The following ARHGAP44 variants were observed in gnomAD, a reference collection of about 807,000 sequenced individuals.
ARHGAP44 encodes the protein Rho GTPase activating protein 44.
Under a neutral mutation model 106.8 loss-of-function variants are expected in ARHGAP44, and 43 were observed. The observed-to-expected ratio is 0.40, with a 90% CI of 0.32 to 0.52. The LOEUF is 0.52. ARHGAP44 is among the 20% of genes least tolerant of loss of function. ARHGAP44 has a pLI of 0.48. For missense variants in ARHGAP44, 866 were observed against 1,050.5 expected (o/e 0.82, Z 2.43); for synonymous variants, 439 against 410.3 (o/e 1.07, Z -0.85).
chr17:12,981,450 T>A (rs1020378109), intron 19 of ARHGAP44, among the ~76,000 whole-genome samples: 1 of 151,052 alleles, frequency 6.6e-6, no homozygotes, highest in Admixed American at 6.6e-5. Flanking sequence ...CAGGCTGGAG[T>A]GCAATGGCAC....
intron 1 of ARHGAP44, among the ~76,000 whole-genome samples, chr17:12,829,569 G>C (rs2035027281): frequency 6.6e-6 from 1 of 152,032 alleles, no homozygotes; most frequent in African/African-American, 2.4e-5. Flanking sequence ...AGCCTCTCTT[G>C]GAAGTTCTAT....
At chr17:12,830,309 C>G (rs2035046857) in intron 1 of ARHGAP44, among the ~76,000 whole-genome samples, 1 of 152,008 alleles carries the variant, frequency 6.6e-6, no homozygotes, top group Non-Finnish European at 1.5e-5. Context: ...GATAATTGCT[C>G]TTTGGGGCTA....
intron 1 of ARHGAP44, among the ~76,000 whole-genome samples, chr17:12,798,971 A>G (rs1360411571): frequency 6.6e-6 from 1 of 152,224 alleles, no homozygotes; most frequent in East Asian, 1.9e-4. Context: ...TGATTTTAAA[A>G]TTTAATAGAA....
In ARHGAP44 at chr17:12,880,772, A is replaced by C. The variant is rs185768206; in HGVS notation, c.54-14168A>C. 1.9e-3 allele frequency among the ~76,000 whole-genome samples: 293 copies of C among 152,216 alleles called. 1 individual carries two copies. The highest frequency in any genetic ancestry group is 6.7e-3 in the African/African-American group (278 of 41,550). On this transcript the variant is annotated intron_variant, in intron 1 of 20. Transcript: ENST00000379672. Reference sequence around the variant, plus strand: ...TGTAGAGGGAATATTGTTCTGTTAAAAGGTGTTTCATGTGGGTACTTAGTT... The same window carrying C: ...TGTAGAGGGAATATTGTTCTGTTAACAGGTGTTTCATGTGGGTACTTAGTT...
Position 12,860,851 on chromosome 17 carries a change from CTATTCTTT to C in ARHGAP44, c.54-34087_54-34080del, listed in dbSNP as rs1335454816. Among the ~76,000 whole-genome samples, 253 of 103,736 alleles carry C rather than the reference CTATTCTTT, an allele frequency of 2.4e-3. 2 individuals are homozygous for C. The highest frequency in any genetic ancestry group is 8.8e-3 in the African/African-American group (236 of 26,680). The allele number at this position is 103,736 out of a possible 152,430, so 68.1% of individuals were successfully genotyped here. A position where few individuals can be genotyped will look rare whatever the true frequency, so the allele number is the denominator to read the frequency against. ...GGACCAATCGGTATATGGTTTTTTT[CTATTCTTT>C]TTTTTTTTTTTTTTTTTTTTGAGAC... is the stretch of plus-strand genomic sequence containing the variant. On this transcript the variant is annotated intron_variant, in intron 1 of 20. Transcript: ENST00000379672.
chr17:12,871,446 G>T (rs932516151), intron 1 of ARHGAP44, among the ~76,000 whole-genome samples: 8 of 152,148 alleles, frequency 5.3e-5, no homozygotes, highest in Non-Finnish European at 1.5e-5. Flanking sequence ...AAGTGTGGCT[G>T]GGAAGGCCTC....
At chr17:12,849,568 CTTTTTTTTTTTTTTT>C (rs776346185) in intron 1 of ARHGAP44, among the ~76,000 whole-genome samples, 7 of 69,958 alleles carry the variant, frequency 1.0e-4, no homozygotes, top group South Asian at 9.2e-4. Context: ...TACTTTTGTC[CTTTTTTTTTTTTTTT>C]TTTTTTTTTT....
At chr17:12,873,906 A>AAAT (rs2036473593) in intron 1 of ARHGAP44, among the ~76,000 whole-genome samples, 3 of 52,126 alleles carry the variant, frequency 5.8e-5, no homozygotes, top group African/African-American at 1.4e-4. Context: ...TCAGTCTCAA[A>AAAT]AAATAAATAA....
At chr17:12,874,646 C>T (rs149019407) in intron 1 of ARHGAP44, among the ~76,000 whole-genome samples, 431 of 151,766 alleles carry the variant, frequency 2.8e-3, no homozygotes, top group African/African-American at 9.6e-3. Flanking sequence ...ACAGGAGAAT[C>T]GCTTGAACCC....
intron 7 of ARHGAP44, among the ~76,000 whole-genome samples, chr17:12,938,656 G>T (rs2038622047): frequency 6.6e-6 from 1 of 150,770 alleles, no homozygotes; most frequent in South Asian, 2.1e-4. Context: ...ATTTTTCTGA[G>T]TGTGGATTAG....
intron 19 of ARHGAP44, among the ~76,000 whole-genome samples, chr17:12,980,441 G>A (rs1017315461): frequency 6.6e-6 from 1 of 152,134 alleles, no homozygotes; most frequent in Admixed American, 6.5e-5. Context: ...GGCTCATTAG[G>A]GGCGTATAGA....
At chr17:12,799,530 T>G (rs1030130346) in intron 1 of ARHGAP44, among the ~76,000 whole-genome samples, 1 of 152,144 alleles carries the variant, frequency 6.6e-6, no homozygotes, top group African/African-American at 2.4e-5. Flanking sequence ...ACGTCACTTA[T>G]GTTCACTTTT....
chr17:12,846,383 C>T (rs2035571593), intron 1 of ARHGAP44, among the ~76,000 whole-genome samples: 1 of 152,120 alleles, frequency 6.6e-6, no homozygotes, highest in Admixed American at 6.5e-5. Flanking sequence ...CACAGCTGTG[C>T]ACGCATCTGT....
In ARHGAP44 at chr17:12,956,592, T is replaced by C. The variant is rs2039131900; in HGVS notation, c.1251-63T>C. On this transcript the variant is annotated intron_variant, in intron 14 of 20. Coordinates refer to ENST00000379672, the MANE Select transcript of ARHGAP44 (RefSeq NM_014859.6). The stretch of plus-strand genomic sequence containing the variant: ...CCTGGGCTCTGCAGCCAGAGGACCA[T>C]GGGCCTCAAAGCTTGCCTCAGCTGC... The C allele has an allele frequency of 4.9e-6, 7 of 1,436,014 alleles. No individual in the cohort carries two copies. In the South Asian group the frequency reaches 5.8e-5, roughly 12 times the overall value. 89.0% of individuals were successfully genotyped at this position (1,436,014 alleles called of 1,614,324 possible). A position where few individuals can be genotyped will look rare whatever the true frequency, so the allele number is the denominator to read the frequency against.
intron 7 of ARHGAP44, among the ~76,000 whole-genome samples, chr17:12,930,399 A>G (rs1212961265): frequency 3.3e-5 from 5 of 151,842 alleles, no homozygotes; most frequent in African/African-American, 4.8e-5. Context: ...ACGCTTGGCT[A>G]ATTTTTTTTG....
At position 12,980,140 on chromosome 17, in the gene ARHGAP44, A is replaced by G; in HGVS notation, c.1846A>G (p.Thr616Ala). 1 of 1,613,834 alleles carries G rather than the reference A, an allele frequency of 6.2e-7. No homozygotes were observed. Among genetic ancestry groups the G allele is most frequent in the South Asian group, 1.1e-5 (1 of 91,062 alleles). The change falls in exon 19 of 21, where the codon ACT becomes GCT. Residue 616 changes from threonine (T) to alanine (A), a missense_variant. This residue lies in a region of ARHGAP44 where 418 missense variants were observed against 403.6 expected (regional missense o/e 1.04). Transcript: ENST00000379672. The stretch of plus-strand genomic sequence containing the variant: ...CAGCCAGGGCACAGCCTGTGCAGGG[A>G]CTCAACCAGGGGCTCAACCTGGAGC... The part of the protein sequence containing the change: ...GSSQGTACAG[T>A]QPGAQPGAQP...
intron 1 of ARHGAP44, among the ~76,000 whole-genome samples, chr17:12,808,844 G>A (rs2034356650): frequency 6.6e-6 from 1 of 152,148 alleles, no homozygotes; most frequent in African/African-American, 2.4e-5. Context: ...TGCATCATGA[G>A]GCTGCAAATT....
intron 1 of ARHGAP44, among the ~76,000 whole-genome samples, chr17:12,840,987 A>C (rs991383667): frequency 6.6e-6 from 1 of 151,884 alleles, no homozygotes; most frequent in Non-Finnish European, 1.5e-5. Flanking sequence ...GTACCCTCAT[A>C]GTGTGTGTGT....
At chr17:12,884,673 C>T (rs191233016) in intron 1 of ARHGAP44, among the ~76,000 whole-genome samples, 8 of 152,268 alleles carry the variant, frequency 5.3e-5, no homozygotes, top group East Asian at 3.9e-4. Context: ...TTCCCTCATG[C>T]GGCATCTTTG....
Sources: gnomAD v4.1 joint callset for allele counts (sites outside exome capture counted in the v4.1 genomes callset) on GRCh38, gnomAD v4.1.1 for gene constraint, gnomAD v4.1.1 regional missense constraint, MANE v1.5 for transcripts, NCBI Gene and HGNC (gene_info 2026-07-23, HGNC 2026-07-21) for gene names.